Variants in SLC22A23 observed in about 807,000 individuals in gnomAD.
SLC22A23 encodes the protein solute carrier family 22 member 23, also known as ion transporter protein.
In SLC22A23, 26 loss-of-function variants were observed where a neutral mutation model predicts 61.0. The ratio of observed to expected loss-of-function variants is 0.43; its 90% CI spans 0.31 to 0.59. The LOEUF is 0.59. SLC22A23 is among the 20% of genes least tolerant of loss of function. SLC22A23 has a pLI of 0.11. For synonymous variants in SLC22A23, 430 were observed against 413.9 expected, an observed-to-expected ratio of 1.04 and a Z score of -0.47; for missense variants, 796 against 934.7, an observed-to-expected ratio of 0.85 and a Z score of 1.94.
chr6:3,285,214 G>A, intron 7 of SLC22A23, 103 bp from the exon 8 acceptor site: 11 of 1,517,066 alleles, frequency 7.3e-6, no homozygotes, highest in Non-Finnish European at 8.9e-6. Flanking sequence ...GTGTTCCCAT[G>A]CGACTTGGTT....
intron 1 of SLC22A23, among the ~76,000 whole-genome samples, chr6:3,418,599 G>C (rs910310639): frequency 6.6e-6 from 1 of 152,360 alleles, no homozygotes; most frequent in East Asian, 1.9e-4. Context: ...CTGGTTAGAA[G>C]TATTGCTGGC....
chr6:3,282,120 C>T (rs1759523152), intron 9 of SLC22A23: 1 of 685,564 alleles, frequency 1.5e-6, no homozygotes, highest in Admixed American at 2.0e-5. Context: ...CATGCAAAGG[C>T]TGCAGGAGGC....
At chr6:3,421,541 T>C (rs1561970214) in intron 1 of SLC22A23, among the ~76,000 whole-genome samples, 1 of 152,236 alleles carries the variant, frequency 6.6e-6, no homozygotes, top group East Asian at 1.9e-4. Context: ...AGAAGAGATG[T>C]TTGTATATGC....
chr6:3,332,907 C>T (rs2127411596), intron 3 of SLC22A23, among the ~76,000 whole-genome samples: 1 of 152,234 alleles, frequency 6.6e-6, no homozygotes, highest in South Asian at 2.1e-4. Flanking sequence ...GTGACTGTCC[C>T]GTGATGTCGT....
intron 3 of SLC22A23, among the ~76,000 whole-genome samples, chr6:3,407,977 T>C (rs1768947520): frequency 6.6e-6 from 1 of 152,238 alleles, no homozygotes; most frequent in South Asian, 2.1e-4. Flanking sequence ...TTTACATCAG[T>C]GGTTGAAAAA....
intron 4 of SLC22A23, among the ~76,000 whole-genome samples, chr6:3,299,047 A>G (rs1467225049): frequency 1.3e-5 from 2 of 151,920 alleles, no homozygotes; most frequent in Non-Finnish European, 2.9e-5. Flanking sequence ...CATGCTAATT[A>G]CCCTGATCTG....
At chr6:3,366,314 C>CA (rs1765813830) in intron 3 of SLC22A23, among the ~76,000 whole-genome samples, 1 of 110,912 alleles carries the variant, frequency 9.0e-6, no homozygotes, top group Non-Finnish European at 1.7e-5. Flanking sequence ...GCCTGGGTGA[C>CA]AGAGCAAGAC....
At chr6:3,435,191 G>A (rs967023589) in intron 1 of SLC22A23, among the ~76,000 whole-genome samples, 3 of 152,142 alleles carry the variant, frequency 2.0e-5, no homozygotes, top group African/African-American at 2.4e-5. Flanking sequence ...ATAAGCCACA[G>A]AGAAGCCAAC....
intron 3 of SLC22A23, among the ~76,000 whole-genome samples, chr6:3,362,974 G>C (rs999451511): frequency 6.6e-6 from 1 of 152,054 alleles, no homozygotes; most frequent in Non-Finnish European, 1.5e-5. Flanking sequence ...TTTAAACTCT[G>C]GACTGCTCAG....
chr6:3,365,022 A>G (rs1765714582), intron 3 of SLC22A23, among the ~76,000 whole-genome samples: 1 of 152,348 alleles, frequency 6.6e-6, no homozygotes, highest in African/African-American at 2.4e-5. Flanking sequence ...TTTATTAACC[A>G]ATAAACTGCC....
rs115771876 is a variant in SLC22A23 at position 3,440,429 on chromosome 6, C to T, written c.654+15477G>A. On this transcript the variant is annotated intron_variant, in intron 1 of 9. Coordinates refer to ENST00000406686, the MANE Select transcript of SLC22A23 (RefSeq NM_015482.2). ...CCTATAAGAAGAGGAGATGAGTGGCCGGGTGCGGTGGCTCATGCCTGTAAT... is the reference window on the plus strand; with the variant it reads ...CCTATAAGAAGAGGAGATGAGTGGCTGGGTGCGGTGGCTCATGCCTGTAAT... Among the ~76,000 whole-genome samples, 1,032 of 152,076 alleles carry T rather than the reference C, an allele frequency of 6.8e-3. 11 individuals are homozygous for T. Among genetic ancestry groups the T allele is most frequent in the African/African-American group, 0.024 (992 of 41,472 alleles).
rs1371514505 is a variant in SLC22A23 at position 3,269,299 on chromosome 6, C to T, written c.*3756G>A. On this transcript the variant is annotated 3_prime_UTR_variant, in exon 10 of 10. Transcript: ENST00000406686. ...AGAGTGAGAGGCCTCCCTCCACCCA[C>T]CTCGGGGCGAGTGAAGACACAGCTT... 6.6e-6 allele frequency: 1 copy of T among 152,364 alleles called. No homozygotes were observed. Among genetic ancestry groups the T allele is most frequent in the Non-Finnish European group, 1.5e-5 (1 of 68,064 alleles). 9.4% of individuals were successfully genotyped at this position (152,364 alleles called of 1,614,324 possible).
chr6:3,408,193 T>A (rs895016072), intron 3 of SLC22A23, among the ~76,000 whole-genome samples: 2 of 152,246 alleles, frequency 1.3e-5, no homozygotes, highest in Admixed American at 1.3e-4. Context: ...CTGGGTTATA[T>A]GATTCTGTGC....
intron 3 of SLC22A23, among the ~76,000 whole-genome samples, chr6:3,383,205 G>T (rs553290940): frequency 2.6e-5 from 4 of 152,196 alleles, no homozygotes; most frequent in Non-Finnish European, 4.4e-5. Context: ...GAAAGATAAC[G>T]TATGGAGGAA....
chr6:3,411,801 A>C (rs1280713194), intron 2 of SLC22A23, among the ~76,000 whole-genome samples: 4 of 152,206 alleles, frequency 2.6e-5, no homozygotes, highest in Non-Finnish European at 5.9e-5. Context: ...GCTCAATGTA[A>C]GTCAATAATC....
chr6:3,425,649 G>A (rs1375628168), intron 1 of SLC22A23, among the ~76,000 whole-genome samples: 3 of 152,276 alleles, frequency 2.0e-5, no homozygotes, highest in African/African-American at 7.2e-5. Context: ...GGTGAAGAAA[G>A]GAAACTAAGA....
At chr6:3,438,465 A>C (rs1435270306) in intron 1 of SLC22A23, 2 of 454,772 alleles carry the variant, frequency 4.4e-6, no homozygotes, top group Admixed American at 4.7e-5. Context: ...ATTACTCAGC[A>C]AACGTAAACA....
At chr6:3,395,442 G>A (rs1767945127) in intron 3 of SLC22A23, among the ~76,000 whole-genome samples, 1 of 152,248 alleles carries the variant, frequency 6.6e-6, no homozygotes, top group Non-Finnish European at 1.5e-5. Flanking sequence ...TCATTAGCAA[G>A]AAGAGTAATA....
rs114303038 is a variant in SLC22A23, at chr6:3,354,004, T to C, written c.914-30002A>G. On this transcript the variant is annotated intron_variant, in intron 3 of 9. Coordinates refer to ENST00000406686, the MANE Select transcript of SLC22A23 (RefSeq NM_015482.2). ...ACAAGGAAAAATGCTGGTCCTTGGG[T>C]CGGTTGACTGAATCCTTTGATGTGA... 8.2e-3 allele frequency among the ~76,000 whole-genome samples: 1,250 copies of C among 152,318 alleles called. 8 individuals are homozygous for C. The highest frequency in any genetic ancestry group is 0.029 in the African/African-American group (1,209 of 41,552).
Sources: gnomAD v4.1 joint callset for allele counts (sites outside exome capture counted in the v4.1 genomes callset) on GRCh38, gnomAD v4.1.1 for gene constraint, MANE v1.5 for transcripts, NCBI Gene and HGNC (gene_info 2026-07-23, HGNC 2026-07-21) for gene names.